The following ICE2 variants were observed in gnomAD, a reference collection of about 807,000 sequenced individuals.
The protein encoded by ICE2 is interactor of little elongation complex ELL subunit 2.
A neutral mutation model predicts 105.4 loss-of-function variants in ICE2; 87 were observed. The observed-to-expected ratio is 0.83, with a 90% confidence interval of 0.69 to 0.99. The LOEUF (loss-of-function observed/expected upper bound fraction) is 0.99, where lower values mean the gene tolerates loss of function less well. Among genes scored for constraint, ICE2 ranks in the 50% least tolerant of loss-of-function variants. The pLI, the probability that ICE2 is intolerant of heterozygous loss-of-function variation, is 0.00. For synonymous variants in ICE2, 399 were observed against 392.0 expected, an observed-to-expected ratio of 1.02 and a Z score of -0.21; for missense variants, 1,323 against 1,146.7, an observed-to-expected ratio of 1.15 and a Z score of -2.22.
chr15:60,460,284 G>A (rs567477672), intron 5 of ICE2, among the ~76,000 whole-genome samples: 193 of 152,326 alleles, frequency 1.3e-3, no homozygotes, highest in African/African-American at 4.4e-3. Context: ...ATCACCTGAG[G>A]TCAGGAGTTC....
chr15:60,449,439 T>G lies in ICE2; in HGVS notation c.1528A>C (p.Thr510Pro). 6.2e-7 allele frequency: 1 copy of G among 1,614,052 alleles called. No individual in the cohort carries two copies. The change falls in exon 10 of 16, where the codon ACA becomes CCA. Residue 510 changes from threonine (T) to proline (P), a missense_variant. Transcript: ENST00000261520. Reference sequence around the variant, plus strand: ...TTTTCTAACTGTAAGGCATCAGATGTTTTCAAGTCACTATCTTGTATCAAA... The same window carrying G: ...TTTTCTAACTGTAAGGCATCAGATGGTTTCAAGTCACTATCTTGTATCAAA... Reference protein sequence around the residue: ...KPLIQDSDLKTSDALQLENSQ... With the variant: ...KPLIQDSDLKPSDALQLENSQ...
intron 12 of ICE2, 187 bp downstream of exon 12, chr15:60,442,229 G>C (rs2063734141): frequency 4.1e-6 from 2 of 487,688 alleles, no homozygotes; most frequent in African/African-American, 4.1e-5. Flanking sequence ...GGAGTTTGAG[G>C]TTACAGTGAG....
intron 1 of ICE2, 191 bp downstream of exon 1, chr15:60,478,812 A>C (rs995852239): frequency 5.3e-6 from 2 of 374,338 alleles, no homozygotes; most frequent in Admixed American, 6.3e-5. Context: ...ACGCAAAGAG[A>C]GGGGAAACAA....
rs968035033 is a variant in ICE2, at chr15:60,442,632, A to C, written c.2296-87T>G. On this transcript the variant is annotated intron_variant, in intron 11 of 15. Transcript: ENST00000261520. ...TTGCCTATACAGCTTTGCCACTTTC[A>C]AAATGCTTTCAGGTAATCTTATTTC... 8.8e-5 allele frequency: 90 copies of C among 1,025,762 alleles called. No individual in the cohort carries two copies. In the African/African-American group the frequency reaches 1.4e-3, roughly 16 times the overall value. 63.5% of individuals were successfully genotyped at this position (1,025,762 alleles called of 1,614,324 possible). A position where few individuals can be genotyped will look rare whatever the true frequency, so the allele number is the denominator to read the frequency against.
At position 60,477,990 on chromosome 15, in the gene ICE2, C is replaced by T; in HGVS notation, c.-13G>A. On this transcript the variant is annotated 5_prime_UTR_variant, in exon 2 of 16. Coordinates refer to ENST00000261520, the MANE Select transcript of ICE2 (RefSeq NM_024611.6). ...TCTTGGAGCTCATCTTCCTAGATTT[C>T]TGCTTCACTCTAGCTCACAGTTCAC... The T allele has an allele frequency of 6.2e-7, 1 of 1,613,622 alleles. No homozygotes were observed. Among genetic ancestry groups the T allele is most frequent in the Non-Finnish European group, 8.5e-7 (1 of 1,179,602 alleles).
At chr15:60,471,517 A>T (rs551641197) in intron 3 of ICE2, among the ~76,000 whole-genome samples, 5 of 152,322 alleles carry the variant, frequency 3.3e-5, no homozygotes, top group Non-Finnish European at 5.9e-5. Context: ...CAGCAACAAG[A>T]TGCTGACTCA....
Position 60,456,740 on chromosome 15 carries a change from G to C in ICE2, c.583C>G (p.Leu195Val). 6.3e-7 allele frequency: 1 copy of C among 1,579,368 alleles called. No individual in the cohort carries two copies. The highest frequency in any genetic ancestry group is 8.6e-7 in the Non-Finnish European group (1 of 1,162,584). Residue 195 changes from leucine (L) to valine (V), a missense_variant, in exon 6 of 16, where the codon CTC becomes GTC. Physicochemically the swap from Leu to Val is conservative, Grantham distance 32. Coordinates refer to ENST00000261520, the MANE Select transcript of ICE2 (RefSeq NM_024611.6). Reference sequence around the variant, plus strand: ...CCCATTAAGCTGGTGACCTCGTGGAGAGTATAGAATTCTGAATACTTTTTC... The same window carrying C: ...CCCATTAAGCTGGTGACCTCGTGGACAGTATAGAATTCTGAATACTTTTTC... ...QVKKYSEFYTLHEVTSLMGFF... is the reference protein window; with the variant it reads ...QVKKYSEFYTVHEVTSLMGFF...
intron 1 of ICE2, 93 bp from the exon 2 acceptor site, chr15:60,478,162 C>T (rs2064820249): frequency 1.6e-6 from 1 of 610,128 alleles, no homozygotes; most frequent in Non-Finnish European, 2.9e-6. Context: ...AACATCTACC[C>T]TCAACAGACT....
chr15:60,428,363 TA>T, intron 15 of ICE2, 65 bp downstream of exon 15: 1 of 1,494,284 alleles, frequency 6.7e-7, no homozygotes, highest in Non-Finnish European at 9.1e-7. Context: ...TGAAATACGG[TA>T]AAGTCAGTGA....
chr15:60,456,894 A>C (rs2064141971), intron 5 of ICE2, 100 bp from the exon 6 acceptor site: 3 of 557,900 alleles, frequency 5.4e-6, no homozygotes, highest in Non-Finnish European at 8.9e-6. Context: ...CATTGCAAAA[A>C]TTAGCCCGAT....
At position 60,449,258 on chromosome 15, in the gene ICE2, C is replaced by T. The variant is rs767045036; in HGVS notation, c.1709G>A (p.Ser570Asn). 1.9e-6 allele frequency: 3 copies of T among 1,613,556 alleles called. No individual in the cohort carries two copies. The highest frequency in any genetic ancestry group is 2.5e-6 in the Non-Finnish European group (3 of 1,179,960). ...TAAACACTCCTCATCTGTATCACTG[C>T]TGCAGAGAACTGTATCTTCAGTTTT... ...AAKTEDTVLC[S>N]SDTDEECLII... is the part of the protein sequence containing the mutation. Residue 570 changes from serine to asparagine, a missense_variant, in exon 10 of 16, where the codon AGC becomes AAC. Transcript: ENST00000261520.
intron 11 of ICE2, chr15:60,447,553 G>A (rs1208263940): frequency 6.5e-6 from 1 of 153,782 alleles, no homozygotes; most frequent in Non-Finnish European, 1.4e-5. Context: ...CATATACATA[G>A]AGCCTGAGAG....
rs1164938711 is a variant in ICE2 at position 60,458,658 on chromosome 15, A to G, written c.529-1864T>C. Among the ~76,000 whole-genome samples, 10 of 152,168 alleles carry G rather than the reference A, an allele frequency of 6.6e-5. No individual in the cohort carries two copies. In the South Asian group the frequency reaches 1.4e-3, roughly 22 times the overall value. On this transcript the variant is annotated intron_variant, in intron 5 of 15. Coordinates refer to ENST00000261520, the MANE Select transcript of ICE2 (RefSeq NM_024611.6). ...ATTTATGTTCATAACAGCATTATTC[A>G]TAACAGCCAAAAGGTGGAAGCAACT...
At chr15:60,434,315 A>G (rs1267362445) in intron 13 of ICE2, among the ~76,000 whole-genome samples, 2 of 152,200 alleles carry the variant, frequency 1.3e-5, no homozygotes, top group South Asian at 2.1e-4. Flanking sequence ...AGACTCTCAG[A>G]GTTTTTGACT....
chr15:60,469,474 A>G (rs1004298300), intron 3 of ICE2, among the ~76,000 whole-genome samples: 1 of 152,106 alleles, frequency 6.6e-6, no homozygotes, highest in Admixed American at 6.5e-5. Context: ...AAAAAACACA[A>G]AACCCCTGAT....
intron 11 of ICE2, among the ~76,000 whole-genome samples, chr15:60,446,273 C>T (rs1415729796): frequency 6.6e-6 from 1 of 152,200 alleles, no homozygotes; most frequent in Non-Finnish European, 1.5e-5. Context: ...GCACAAGTTC[C>T]ACCAAGTCCA....
chr15:60,453,794 GA>G lies in ICE2; in HGVS notation c.944-11del. 1 of 1,539,692 alleles carries G rather than the reference GA, an allele frequency of 6.5e-7. No individual in the cohort carries two copies. The highest frequency in any genetic ancestry group is 8.9e-7 in the Non-Finnish European group (1 of 1,117,892). On this transcript the variant is annotated splice_polypyrimidine_tract_variant and intron_variant, in intron 8 of 15. Transcript: ENST00000261520. ...TTAACTGGTTTTGAACCTTAAAACA[GA>G]AACCAAAGAAAAGAGGTGATTAGTA...
chr15:60,448,760 G>T, intron 10 of ICE2, 88 bp downstream of exon 10: 1 of 1,128,772 alleles, frequency 8.9e-7, no homozygotes, highest in Non-Finnish European at 1.3e-6. Flanking sequence ...TACAAAACAG[G>T]TTATGACAAA....
intron 4 of ICE2, among the ~76,000 whole-genome samples, chr15:60,467,036 G>A (rs997583294): frequency 5.3e-5 from 8 of 152,010 alleles, no homozygotes; most frequent in African/African-American, 1.9e-4. Context: ...TGCCCAGGCT[G>A]GAGTGCAGTG....
Sources: gnomAD v4.1 joint callset for allele counts (sites outside exome capture counted in the v4.1 genomes callset) on GRCh38, gnomAD v4.1.1 for gene constraint, MANE v1.5 for transcripts, NCBI Gene and HGNC (gene_info 2026-07-23, HGNC 2026-07-21) for gene names.